The following TRPM6 variants were observed in gnomAD, a reference collection of about 807,000 sequenced individuals.
TRPM6 encodes the protein channel kinase 2.
TRPM6 carries 111 observed loss-of-function variants against 247.6 expected under a neutral mutation model. The ratio of observed to expected loss-of-function variants is 0.45; its 90% confidence interval spans 0.38 to 0.52. TRPM6 has a LOEUF of 0.52. TRPM6 is among the 20% of genes least tolerant of loss of function. The pLI is 0.00. For missense variants in TRPM6, 2,126 were observed against 2,421.5 expected (o/e 0.88, Z 2.56); for synonymous variants, 892 against 853.8 (o/e 1.04, Z -0.78).
At chr9:74,791,343 C>T (rs978581518) in intron 19 of TRPM6, among the ~76,000 whole-genome samples, 2 of 152,082 alleles carry the variant, frequency 1.3e-5, no homozygotes, top group African/African-American at 4.8e-5. Context: ...AAATACAACA[C>T]ATTTAGATAA....
intron 25 of TRPM6, among the ~76,000 whole-genome samples, chr9:74,763,879 G>A (rs1826738475): frequency 6.6e-6 from 1 of 152,182 alleles, no homozygotes; most frequent in Non-Finnish European, 1.5e-5. Flanking sequence ...ATTAGTCCAA[G>A]TGCAATGGCT....
intron 38 of TRPM6, among the ~76,000 whole-genome samples, chr9:74,727,224 T>G (rs1409109597): frequency 1.3e-5 from 2 of 151,464 alleles, no homozygotes; most frequent in African/African-American, 4.9e-5. Context: ...CTACAAAAAA[T>G]ACAAAAAATT....
At chr9:74,732,504 T>C (rs1825554110) in intron 37 of TRPM6, among the ~76,000 whole-genome samples, 181 bp downstream of exon 37, 1 of 152,218 alleles carries the variant, frequency 6.6e-6, no homozygotes, top group Admixed American at 6.5e-5. Context: ...TTCCATATTT[T>C]CCCCCCATTT....
intron 1 of TRPM6, among the ~76,000 whole-genome samples, chr9:74,872,657 A>G (rs574621994): frequency 1.1e-4 from 17 of 151,816 alleles, no homozygotes; most frequent in East Asian, 7.8e-4. Flanking sequence ...TTTTGTAGAG[A>G]CAGGGTTTCC....
At chr9:74,726,736 G>T (rs142868320) in intron 38 of TRPM6, among the ~76,000 whole-genome samples, 2 of 152,066 alleles carry the variant, frequency 1.3e-5, no homozygotes, top group Non-Finnish European at 2.9e-5. Flanking sequence ...GGACAGTATC[G>T]GAGGATGTTG....
intron 30 of TRPM6, among the ~76,000 whole-genome samples, chr9:74,749,139 T>C (rs1359428231): frequency 6.6e-6 from 1 of 152,164 alleles, no homozygotes; most frequent in Non-Finnish European, 1.5e-5. Flanking sequence ...GGTTAGACCA[T>C]CTAGGTGTGT....
intron 14 of TRPM6, 122 bp from the exon 15 acceptor site, chr9:74,804,008 A>C (rs1828440940): frequency 1.4e-6 from 1 of 733,972 alleles, no homozygotes; most frequent in African/African-American, 1.8e-5. Context: ...CAATAATGAA[A>C]ACCAAATATA....
chr9:74,771,305 A>G (rs1444060559), intron 25 of TRPM6, among the ~76,000 whole-genome samples: 2 of 152,026 alleles, frequency 1.3e-5, no homozygotes, highest in Non-Finnish European at 2.9e-5. Flanking sequence ...CAGCTACTTT[A>G]TTTTTCTTCA....
intron 14 of TRPM6, 81 bp from the exon 15 acceptor site, chr9:74,803,967 A>G (rs747009564): frequency 9.3e-5 from 81 of 870,184 alleles, no homozygotes; most frequent in Non-Finnish European, 1.5e-4. Context: ...AGGAGGGGAG[A>G]TTATAGTGGT....
Position 74,735,569 on chromosome 9 carries a change from T to C in TRPM6, c.5777-2833A>G, listed in dbSNP as rs143672942. Among the ~76,000 whole-genome samples the C allele has an allele frequency of 2.8e-3, 433 of 152,212 alleles. 4 individuals carry two copies. Among genetic ancestry groups the C allele is most frequent in the African/African-American group, 9.4e-3 (390 of 41,522 alleles). On this transcript the variant is annotated intron_variant, in intron 36 of 38. Transcript: ENST00000360774. ...GCTTTGTTGAATAAAAAAATTAATA[T>C]CTCTAAAAATTAATATTAATATCTC...
At chr9:74,794,876 CCT>C (rs1303542854) in intron 18 of TRPM6, among the ~76,000 whole-genome samples, 1 of 146,204 alleles carries the variant, frequency 6.8e-6, no homozygotes, top group East Asian at 2.0e-4. Context: ...CCCCACACCC[CCT>C]GACCACCCCA....
At chr9:74,738,378 G>C in intron 36 of TRPM6, 29 bp downstream of exon 36, 6 of 1,611,432 alleles carry the variant, frequency 3.7e-6, no homozygotes, top group Non-Finnish European at 5.1e-6. Flanking sequence ...CCTCATGCTT[G>C]TTGTATCAAA....
chr9:74,854,692 C>G (rs564632276), intron 3 of TRPM6, among the ~76,000 whole-genome samples: 1 of 152,248 alleles, frequency 6.6e-6, no homozygotes, highest in South Asian at 2.1e-4. Context: ...GAGACAGGGT[C>G]TCACTCTGCC....
Position 74,799,876 on chromosome 9 carries a change from G to A in TRPM6, c.2238+378C>T, listed in dbSNP as rs1242654121. Reference sequence around the variant, plus strand: ...TGGGAAGACCCCAGATCTTCTGTGAGAATCAAATATATTAACTAGGATGTG... The same window carrying A: ...TGGGAAGACCCCAGATCTTCTGTGAAAATCAAATATATTAACTAGGATGTG... On this transcript the variant is annotated intron_variant, in intron 17 of 38. Transcript: ENST00000360774. 2.0e-5 allele frequency: 6 copies of A among 293,788 alleles called. No homozygotes were observed. The East Asian group carries it at 3.3e-4, about 16-fold the overall frequency. 18.2% of individuals were successfully genotyped at this position (293,788 alleles called of 1,614,324 possible).
chr9:74,751,624 C>T (rs758830130), intron 29 of TRPM6, among the ~76,000 whole-genome samples: 15 of 152,154 alleles, frequency 9.9e-5, no homozygotes, highest in African/African-American at 2.4e-4. Flanking sequence ...TCCCACGTGG[C>T]GGATGGCACA....
intron 3 of TRPM6, among the ~76,000 whole-genome samples, chr9:74,847,201 A>T (rs1830138683): frequency 6.6e-6 from 1 of 151,930 alleles, no homozygotes; most frequent in African/African-American, 2.4e-5. Context: ...ACTTTTTAAA[A>T]TTTTCACTGT....
chr9:74,855,207 A>G (rs553613885), intron 3 of TRPM6, among the ~76,000 whole-genome samples: 4 of 152,326 alleles, frequency 2.6e-5, no homozygotes, highest in African/African-American at 7.2e-5. Context: ...TCATACATCA[A>G]TTACAGTCCC....
intron 3 of TRPM6, among the ~76,000 whole-genome samples, chr9:74,853,227 C>A (rs1437403608): frequency 6.6e-6 from 1 of 151,858 alleles, no homozygotes; most frequent in Non-Finnish European, 1.5e-5. Context: ...GCCGCCCCAT[C>A]GGGGAAGTGA....
intron 3 of TRPM6, among the ~76,000 whole-genome samples, chr9:74,847,045 C>T (rs1397896289): frequency 2.6e-5 from 4 of 152,152 alleles, no homozygotes; most frequent in Non-Finnish European, 5.9e-5. Context: ...ACGAGGTGTT[C>T]TGCAAGCCAA....
Sources: gnomAD v4.1 joint callset for allele counts (sites outside exome capture counted in the v4.1 genomes callset) on GRCh38, gnomAD v4.1.1 for gene constraint, MANE v1.5 for transcripts, NCBI Gene and HGNC (gene_info 2026-07-23, HGNC 2026-07-21) for gene names.